DAB2: variants seen among roughly 807,000 people sequenced by gnomAD.
DAB2 encodes disabled homolog 2.
Under a neutral mutation model 71.6 loss-of-function variants are expected in DAB2, and 28 were observed. That is an observed-to-expected ratio of 0.39 (90% CI 0.29 to 0.54). The LOEUF (loss-of-function observed/expected upper bound fraction) is 0.54, where lower values mean the gene tolerates loss of function less well. Among genes scored for constraint, DAB2 ranks in the 20% least tolerant of loss-of-function variants. The probability of loss-of-function intolerance (pLI) is 0.68; values close to 1 mark genes in which losing one functional copy is unlikely to be tolerated. For missense variants in DAB2, 867 were observed against 928.8 expected (o/e 0.93, Z 0.86); for synonymous variants, 345 against 339.7 (o/e 1.02, Z -0.17).
At position 39,397,091 on chromosome 5, in the gene DAB2, T is replaced by G. The variant is rs1055582037; in HGVS notation, c.-101-2670A>C. 3.3e-5 allele frequency among the ~76,000 whole-genome samples: 5 copies of G among 152,208 alleles called. No individual in the cohort carries two copies. In the South Asian group the frequency reaches 1.0e-3, roughly 32 times the overall value. On this transcript the variant is annotated intron_variant, in intron 1 of 14. Coordinates refer to ENST00000320816, the MANE Select transcript of DAB2 (RefSeq NM_001343.4). ...CATGTCTGCTTGCTCCACATGGACT[T>G]CCTTATGACTTGAGACTCCTGGGAG...
chr5:39,391,442 C>T lies in DAB2; in HGVS notation c.331-867G>A, dbSNP rs3822459. On this transcript the variant is annotated intron_variant, in intron 4 of 14. Transcript: ENST00000320816. ...GAAAATAAGAGTTGACAGATAAAGGCGACTGATAAAGAGAGTGGTGCCTGA... is the reference window on the plus strand; with the variant it reads ...GAAAATAAGAGTTGACAGATAAAGGTGACTGATAAAGAGAGTGGTGCCTGA... 1.3e-3 allele frequency among the ~76,000 whole-genome samples: 199 copies of T among 152,020 alleles called. 2 individuals carry two copies. The highest frequency in any genetic ancestry group is 4.6e-3 in the African/African-American group (190 of 41,454).
intron 1 of DAB2, among the ~76,000 whole-genome samples, chr5:39,399,765 C>T (rs144741728): frequency 9.8e-4 from 149 of 152,290 alleles, no homozygotes; most frequent in Non-Finnish European, 1.4e-3. Flanking sequence ...TAAAAATCAG[C>T]TGTTGCTTAG....
At chr5:39,389,403 T>C (rs892120375) in intron 6 of DAB2, among the ~76,000 whole-genome samples, 1 of 152,294 alleles carries the variant, frequency 6.6e-6, no homozygotes, top group Non-Finnish European at 1.5e-5. Context: ...TGCCTAACCA[T>C]AAAAATGTAT....
At chr5:39,391,487 C>T (rs62358405) in intron 4 of DAB2, among the ~76,000 whole-genome samples, 4,021 of 152,176 alleles carry the variant, frequency 0.026, 84 homozygotes, top group South Asian at 0.086. Context: ...CACTAGCAGG[C>T]TGAGTGGGGT....
chr5:39,373,016 AC>A lies in DAB2; in HGVS notation c.*414del, dbSNP rs1438910666. On this transcript the variant is annotated 3_prime_UTR_variant, in exon 15 of 15. Transcript: ENST00000320816. ...TTTAGGTTTTATGCTCTGAAACAGA[AC>A]CCCCAAACAACTCTGAACAATAAGG... is the stretch of plus-strand genomic sequence containing the variant. 6.6e-6 allele frequency: 1 copy of A among 151,996 alleles called. No homozygotes were observed. Among genetic ancestry groups the A allele is most frequent in the Non-Finnish European group, 1.5e-5 (1 of 68,020 alleles). 9.4% of individuals were successfully genotyped at this position (151,996 alleles called of 1,614,324 possible). A position where few individuals can be genotyped will look rare whatever the true frequency, so the allele number is the denominator to read the frequency against.
rs115682732 is a variant in DAB2 at position 39,401,933 on chromosome 5, T to C, written c.-101-7512A>G. On this transcript the variant is annotated intron_variant, in intron 1 of 14. Transcript: ENST00000320816. ...ATGCCTGGCTAATTTTTTGTATTTT[T>C]GAGACTCGGTAATTTATAAAGAAAA... is the stretch of plus-strand genomic sequence containing the variant. Among the ~76,000 whole-genome samples the C allele has an allele frequency of 5.7e-3, 864 of 152,024 alleles. 12 individuals are homozygous for C. The highest frequency in any genetic ancestry group is 0.02 in the African/African-American group (829 of 41,428).
intron 1 of DAB2, among the ~76,000 whole-genome samples, chr5:39,409,751 C>T (rs977720313): frequency 2.6e-5 from 4 of 152,106 alleles, no homozygotes; most frequent in African/African-American, 4.8e-5. Flanking sequence ...AAAGAACCAC[C>T]CCTTGGTGAC....
At chr5:39,408,485 G>A (rs1006846884) in intron 1 of DAB2, 1 of 152,054 alleles carries the variant, frequency 6.6e-6, no homozygotes, top group African/African-American at 2.4e-5. Flanking sequence ...AACCAACATG[G>A]CAGTTAGGCT....
In DAB2 at chr5:39,377,050, C is replaced by T; in HGVS notation, c.1737G>A (p.Val579=). ...TTGTTGTTGACCAAGCATTGGGTGCCACAGATGCAGAAGGGCCCCAGACAA... is the reference window on the plus strand; with the variant it reads ...TTGTTGTTGACCAAGCATTGGGTGCTACAGATGCAGAAGGGCCCCAGACAA... ...VPVVWGPSAS[V]APNAWSTTSP... is the part of the protein sequence containing the mutation. Residue 579 remains valine (V), a synonymous_variant, in exon 12 of 15, where the codon GTG becomes GTA. Coordinates refer to ENST00000320816, the MANE Select transcript of DAB2 (RefSeq NM_001343.4). The T allele has an allele frequency of 6.2e-7, 1 of 1,614,094 alleles. No individual in the cohort carries two copies. The highest frequency in any genetic ancestry group is 1.3e-5 in the African/African-American group (1 of 75,020).
chr5:39,415,388 T>C (rs909615566), intron 1 of DAB2, among the ~76,000 whole-genome samples: 4 of 152,148 alleles, frequency 2.6e-5, no homozygotes, highest in Non-Finnish European at 1.5e-5. Flanking sequence ...ACTATCTTCA[T>C]AAACACCAGA....
intron 5 of DAB2, 30 bp downstream of exon 5, chr5:39,390,414 C>G: frequency 2.5e-6 from 4 of 1,606,976 alleles, no homozygotes; most frequent in Non-Finnish European, 3.4e-6. Flanking sequence ...AGGACAAGTC[C>G]CCAGGTCTAT....
At position 39,398,643 on chromosome 5, in the gene DAB2, G is replaced by A. The variant is rs116829823; in HGVS notation, c.-101-4222C>T. On this transcript the variant is annotated intron_variant, in intron 1 of 14. Coordinates refer to ENST00000320816, the MANE Select transcript of DAB2 (RefSeq NM_001343.4). ...CTCTACTTCCTGAAATGATCAGAAG[G>A]TAGACTCTGCTTACAGGCCCCAAGA... Among the ~76,000 whole-genome samples the A allele has an allele frequency of 2.6e-5, 4 of 152,064 alleles. No individual in the cohort carries two copies. In the East Asian group the frequency reaches 7.7e-4, roughly 29 times the overall value.
intron 1 of DAB2, among the ~76,000 whole-genome samples, chr5:39,396,008 T>C (rs906027015): frequency 7.7e-6 from 1 of 130,402 alleles, no homozygotes; most frequent in Non-Finnish European, 1.6e-5. Context: ...AGTGGCACGA[T>C]TTCGGCCCAC....
intron 5 of DAB2, 143 bp downstream of exon 5, chr5:39,390,301 G>T: frequency 1.9e-6 from 2 of 1,053,506 alleles, no homozygotes; most frequent in African/African-American, 1.6e-5. Context: ...GATTCCATAG[G>T]CCAATAAAAA....
rs1754716227 is a variant in DAB2 at position 39,372,227 on chromosome 5, A to T, written c.*1204T>A. 6.6e-6 allele frequency: 1 copy of T among 152,204 alleles called. No homozygotes were observed. Among genetic ancestry groups the T allele is most frequent in the Admixed American group, 6.5e-5 (1 of 15,268 alleles). The allele number at this position is 152,204 out of a possible 1,614,324, so 9.4% of individuals were successfully genotyped here. ...GAACGTTTCCAAGTTGTGAGGAGAA[A>T]AATATTGCAGACATTAGATTTTCAA... is the stretch of plus-strand genomic sequence containing the variant. On this transcript the variant is annotated 3_prime_UTR_variant, in exon 15 of 15. Coordinates refer to ENST00000320816, the MANE Select transcript of DAB2 (RefSeq NM_001343.4).
At chr5:39,403,198 C>T (rs1315668008) in intron 1 of DAB2, among the ~76,000 whole-genome samples, 1 of 152,124 alleles carries the variant, frequency 6.6e-6, no homozygotes, top group Non-Finnish European at 1.5e-5. Flanking sequence ...TTGGCCACAT[C>T]ATTTTATTAT....
At chr5:39,419,595 G>T (rs1413473021) in intron 1 of DAB2, among the ~76,000 whole-genome samples, 2 of 152,158 alleles carry the variant, frequency 1.3e-5, no homozygotes, top group African/African-American at 4.8e-5. Context: ...TGCACTTCTA[G>T]ACATGGCATA....
At chr5:39,388,412 A>T (rs1755147049) in intron 8 of DAB2, 45 bp from the exon 9 acceptor site, 1 of 1,300,096 alleles carries the variant, frequency 7.7e-7, no homozygotes, top group Non-Finnish European at 1.1e-6. Flanking sequence ...CTACTAAAAA[A>T]GATTACTTCG....
rs773073371 is a variant in DAB2 at position 39,377,279 on chromosome 5, C to G, written c.1508G>C (p.Gly503Ala). 1 of 1,606,338 alleles carries G rather than the reference C, an allele frequency of 6.2e-7. No homozygotes were observed. The highest frequency in any genetic ancestry group is 1.1e-5 in the South Asian group (1 of 89,994). The change falls in exon 12 of 15, where the codon GGT becomes GCT. Residue 503 changes from glycine (G) to alanine (A), a missense_variant. Coordinates refer to ENST00000320816, the MANE Select transcript of DAB2 (RefSeq NM_001343.4). Reference sequence around the variant, plus strand: ...TGCCTGAGGGAGTGTGACAGTTACACCACCTGAAGTAAGAGGAAGAAAAAT... The same window carrying G: ...TGCCTGAGGGAGTGTGACAGTTACAGCACCTGAAGTAAGAGGAAGAAAAAT... Reference protein sequence around the residue: ...APVGPLVGLGGVTVTLPQAGP... With the variant: ...APVGPLVGLGAVTVTLPQAGP...
Sources: gnomAD v4.1 joint callset for allele counts (sites outside exome capture counted in the v4.1 genomes callset) on GRCh38, gnomAD v4.1.1 for gene constraint, MANE v1.5 for transcripts, NCBI Gene and HGNC (gene_info 2026-07-23, HGNC 2026-07-21) for gene names.